CFH: variants seen among roughly 807,000 people sequenced by gnomAD.
The protein encoded by CFH is complement factor H.
Under a neutral mutation model 147.3 loss-of-function variants are expected in CFH, and 53 were observed. That is an observed-to-expected ratio of 0.36 (90% CI 0.29 to 0.45). The LOEUF (loss-of-function observed/expected upper bound fraction) is 0.45. Ranked by LOEUF, CFH falls within the 20% of genes least tolerant of loss-of-function variation. CFH has a pLI of 1.00. For missense variants in CFH, 1,380 were observed against 1,498.0 expected, an observed-to-expected ratio of 0.92 and a Z score of 1.30; for synonymous variants, 536 against 489.4, an observed-to-expected ratio of 1.10 and a Z score of -1.26.
intron 15 of CFH, among the ~76,000 whole-genome samples, chr1:196,732,171 T>G (rs1669295742): frequency 2.0e-5 from 3 of 152,054 alleles, no homozygotes; most frequent in East Asian, 3.9e-4. Context: ...TATCTTCACT[T>G]TTATTTATTT....
At chr1:196,664,648 A>G (rs1259841930) in intron 1 of CFH, among the ~76,000 whole-genome samples, 1 of 152,196 alleles carries the variant, frequency 6.6e-6, no homozygotes, top group Non-Finnish European at 1.5e-5. Context: ...GTATCTCACT[A>G]TAACAGAAAA....
intron 15 of CFH, among the ~76,000 whole-genome samples, chr1:196,730,657 C>T (rs961003830): frequency 2.6e-5 from 4 of 151,730 alleles, no homozygotes; most frequent in African/African-American, 9.7e-5. Context: ...TGATCTGTCT[C>T]AACGTTGAAA....
At chr1:196,666,729 G>A (rs147870758) in intron 1 of CFH, among the ~76,000 whole-genome samples, 3,324 of 150,700 alleles carry the variant, frequency 0.022, 119 homozygotes, top group African/African-American at 0.077. Flanking sequence ...GGAGAATGGC[G>A]TGAACCCAGG....
Position 196,673,041 on chromosome 1 carries a change from C to T in CFH, c.122C>T (p.Thr41Ile), listed in dbSNP as rs1192717326. 7 of 1,613,938 alleles carry T rather than the reference C, an allele frequency of 4.3e-6. No homozygotes were observed. Among genetic ancestry groups the T allele is most frequent in the African/African-American group, 1.3e-5 (1 of 74,918 alleles). The change falls in exon 2 of 22, where the codon ACA becomes ATA. Residue 41 changes from threonine (T) to isoleucine (I), a missense_variant. Around this residue, in one of 4 missense-constraint regions of CFH, gnomAD observed 260 missense variants for 263.3 expected, o/e 0.99. Transcript: ENST00000367429. Reference sequence around the variant, plus strand: ...CTGACAGGTTCCTGGTCTGACCAAACATATCCAGAAGGCACCCAGGCTATC... The same window carrying T: ...CTGACAGGTTCCTGGTCTGACCAAATATATCCAGAAGGCACCCAGGCTATC... ...EILTGSWSDQ[T>I]YPEGTQAIYK...
chr1:196,686,996 G>A (rs1466014993), intron 7 of CFH, among the ~76,000 whole-genome samples: 1 of 151,992 alleles, frequency 6.6e-6, no homozygotes, highest in African/African-American at 2.4e-5. Flanking sequence ...ATTCACAATT[G>A]GAATGATACA....
At chr1:196,702,362 G>C (rs1410183562) in intron 9 of CFH, among the ~76,000 whole-genome samples, 1 of 152,056 alleles carries the variant, frequency 6.6e-6, no homozygotes, top group Non-Finnish European at 1.5e-5. Context: ...CTGAGAGGCA[G>C]TTTCCCCATA....
chr1:196,706,057 G>C (rs961417705), intron 9 of CFH, among the ~76,000 whole-genome samples: 1 of 151,962 alleles, frequency 6.6e-6, no homozygotes, highest in South Asian at 2.1e-4. Context: ...ACGGACAACA[G>C]AAGGCTGAGT....
At position 196,726,720 on chromosome 1, in the gene CFH, T is replaced by C. The variant is rs374390015; in HGVS notation, c.2057-41T>C. 1.9e-6 allele frequency: 3 copies of C among 1,606,452 alleles called. No individual in the cohort carries two copies. The Admixed American group carries it at 5.0e-5, about 27-fold the overall frequency. On this transcript the variant is annotated intron_variant, in intron 13 of 21. Coordinates refer to ENST00000367429, the MANE Select transcript of CFH (RefSeq NM_000186.4). ...GTATTTTGTATCTAAAACACATACA[T>C]CATGTTTTCACAATAAACTTTTTTT...
intron 9 of CFH, among the ~76,000 whole-genome samples, chr1:196,701,151 T>A (rs917984700): frequency 1.3e-5 from 2 of 152,158 alleles, no homozygotes; most frequent in African/African-American, 4.8e-5. Flanking sequence ...TTATATGTAT[T>A]TATGTTTGTG....
At chr1:196,741,805 C>T in intron 18 of CFH, 70 bp from the exon 19 acceptor site, 1 of 1,379,950 alleles carries the variant, frequency 7.2e-7, no homozygotes, top group Non-Finnish European at 1.0e-6. Context: ...ATTTTAGAAT[C>T]CATTACATGT....
intron 6 of CFH, among the ~76,000 whole-genome samples, chr1:196,683,913 A>G (rs1667738930): frequency 6.6e-6 from 1 of 151,824 alleles, no homozygotes; most frequent in Admixed American, 6.6e-5. Context: ...CAAATAGTAA[A>G]TAAATTGGGG....
intron 9 of CFH, among the ~76,000 whole-genome samples, chr1:196,692,612 CT>C (rs1229009818): frequency 1.1e-5 from 1 of 89,250 alleles, no homozygotes; most frequent in East Asian, 3.1e-4. Flanking sequence ...CTTTCTTTTT[CT>C]TTCTTTCATT....
Position 196,747,330 on chromosome 1 carries a change from C to A in CFH, c.*17C>A, listed in dbSNP as rs762794050. 1 of 1,613,964 alleles carries A rather than the reference C, an allele frequency of 6.2e-7. No homozygotes were observed. Among genetic ancestry groups the A allele is most frequent in the South Asian group, 1.1e-5 (1 of 91,084 alleles). On this transcript the variant is annotated 3_prime_UTR_variant, in exon 22 of 22. Coordinates refer to ENST00000367429, the MANE Select transcript of CFH (RefSeq NM_000186.4). ...AAAAGATAGAATCAATCATAAAGTG[C>A]ACACCTTTATTCAGAACTTTAGTAT...
intron 1 of CFH, among the ~76,000 whole-genome samples, chr1:196,666,676 G>A (rs1242773168): frequency 6.6e-6 from 1 of 151,642 alleles, no homozygotes; most frequent in African/African-American, 2.4e-5. Flanking sequence ...GCCGGGCATG[G>A]TGGCGGGCAC....
chr1:196,697,663 A>C (rs1089033), intron 9 of CFH, among the ~76,000 whole-genome samples: 104,978 of 151,850 alleles, frequency 0.69, 37,013 homozygotes, highest in East Asian at 0.95. Flanking sequence ...GGGTATATAC[A>C]CAAAGGATTA....
chr1:196,654,567 C>T (rs748510587), intron 1 of CFH, among the ~76,000 whole-genome samples: 7 of 152,024 alleles, frequency 4.6e-5, no homozygotes, highest in Non-Finnish European at 1.0e-4. Context: ...TATAGTATGA[C>T]CAAGGTTTTG....
chr1:196,677,786 T>A (rs1298493310), intron 5 of CFH, 119 bp downstream of exon 5: 1 of 952,766 alleles, frequency 1.0e-6, no homozygotes, highest in Non-Finnish European at 1.7e-6. Context: ...TATTGAGCAC[T>A]TACTATCTGC....
chr1:196,694,764 G>A (rs1240470184), intron 9 of CFH, among the ~76,000 whole-genome samples: 1 of 152,210 alleles, frequency 6.6e-6, no homozygotes, highest in Non-Finnish European at 1.5e-5. Context: ...GTGACAATAA[G>A]CTTGTTTTCA....
chr1:196,689,951 G>A, intron 8 of CFH, 112 bp from the exon 9 acceptor site: 2 of 1,209,108 alleles, frequency 1.7e-6, no homozygotes, highest in Non-Finnish European at 2.3e-6. Flanking sequence ...CATTATTTTT[G>A]GATGTTTATG....
Sources: gnomAD v4.1 joint callset for allele counts (sites outside exome capture counted in the v4.1 genomes callset) on GRCh38, gnomAD v4.1.1 for gene constraint, gnomAD v4.1.1 regional missense constraint, MANE v1.5 for transcripts, NCBI Gene and HGNC (gene_info 2026-07-23, HGNC 2026-07-21) for gene names.